The following INSYN1 variants were observed in gnomAD, a reference collection of about 807,000 sequenced individuals.
The protein encoded by INSYN1 is UPF0583 protein C15orf59.
Under a neutral mutation model 17.1 loss-of-function variants are expected in INSYN1, and 7 were observed. The ratio of observed to expected loss-of-function variants is 0.41; its 90% CI spans 0.23 to 0.77. The LOEUF (loss-of-function observed/expected upper bound fraction) is 0.77, where lower values mean the gene tolerates loss of function less well. Ranked by LOEUF, INSYN1 falls within the 30% of genes least tolerant of loss-of-function variation. INSYN1 has a pLI of 0.32. For synonymous variants in INSYN1, 174 were observed against 166.3 expected, an observed-to-expected ratio of 1.05 and a Z score of -0.36; for missense variants, 339 against 400.6, an observed-to-expected ratio of 0.85 and a Z score of 1.31.
chr15:73,745,906 G>A (rs1235474485), intron 2 of INSYN1, among the ~76,000 whole-genome samples: 2 of 152,130 alleles, frequency 1.3e-5, no homozygotes, highest in African/African-American at 2.4e-5. Flanking sequence ...ATTGCCAGAC[G>A]CCAACCCTCT....
chr15:73,739,965 C>A lies in INSYN1; in HGVS notation c.834G>T (p.Thr278=). 6.2e-7 allele frequency: 1 copy of A among 1,612,804 alleles called. No individual in the cohort carries two copies. Among genetic ancestry groups the A allele is most frequent in the Non-Finnish European group, 8.5e-7 (1 of 1,179,682 alleles). ...GTCTAGTGGCTGTGTAGGGCAGAACCGTCTGCGTGCTCTTGTCTGACACTG... is the reference window on the plus strand; with the variant it reads ...GTCTAGTGGCTGTGTAGGGCAGAACAGTCTGCGTGCTCTTGTCTGACACTG... The part of the protein sequence containing the change: ...TQTVSDKSTQ[T]VLPYTATRQK... Residue 278 remains threonine (T), a synonymous_variant, in exon 3 of 3, where the codon ACG becomes ACT. Transcript: ENST00000569673.
intron 2 of INSYN1, among the ~76,000 whole-genome samples, chr15:73,748,449 C>T (rs1240293475): frequency 6.6e-6 from 1 of 152,198 alleles, no homozygotes. Context: ...TGGCCTGAGA[C>T]AAGAACACAG....
At position 73,743,828 on chromosome 15, in the gene INSYN1, CAAAAAAAAAAAAA is replaced by C. The variant is rs71434209; in HGVS notation, c.157-3199_157-3187del. On this transcript the variant is annotated intron_variant, in intron 2 of 2. Coordinates refer to ENST00000569673, the MANE Select transcript of INSYN1 (RefSeq NM_001039614.3). ...CTGGCAACAGAGAGAGACTCTGTCT[CAAAAAAAAAAAAA>C]AAAAAAAAAAAAAAAAAGAAAGAAA... 2.4e-3 allele frequency among the ~76,000 whole-genome samples: 52 copies of C among 21,294 alleles called. 1 individual carries two copies. The highest frequency in any genetic ancestry group is 0.02 in the South Asian group (6 of 294). The allele number at this position is 21,294 out of a possible 152,430, so 14.0% of individuals were successfully genotyped here.
At chr15:73,740,926 C>T (rs1286466426) in intron 2 of INSYN1, among the ~76,000 whole-genome samples, 1 of 152,230 alleles carries the variant, frequency 6.6e-6, no homozygotes, top group African/African-American at 2.4e-5. Context: ...CAGCCCTGCA[C>T]ACCATCCATT....
In INSYN1 at chr15:73,740,691, C is replaced by G. The variant is rs756415607; in HGVS notation, c.157-49G>C. 14 of 1,474,736 alleles carry G rather than the reference C, an allele frequency of 9.5e-6. No individual in the cohort carries two copies. In the East Asian group the frequency reaches 3.2e-4, roughly 33 times the overall value. The allele number at this position is 1,474,736 out of a possible 1,614,324, so 91.4% of individuals were successfully genotyped here. A position where few individuals can be genotyped will look rare whatever the true frequency, so the allele number is the denominator to read the frequency against. On this transcript the variant is annotated intron_variant, in intron 2 of 2. Transcript: ENST00000569673. ...ATGAGAGGGGCCAGGTGGGTCCCTG[C>G]ATCAGCCAGGTGTGAGTGTGTCTCC...
rs116748828 is a variant in INSYN1, at chr15:73,749,152, C to T, written c.156+1823G>A. Among the ~76,000 whole-genome samples, 756 of 152,270 alleles carry T rather than the reference C, an allele frequency of 5.0e-3. 4 individuals carry two copies. The highest frequency in any genetic ancestry group is 0.017 in the African/African-American group (722 of 41,554). On this transcript the variant is annotated intron_variant, in intron 2 of 2. Transcript: ENST00000569673. The stretch of plus-strand genomic sequence containing the variant: ...CTAGAGCTATTGCATCACAGATGAG[C>T]ATAAGAGATCATCTCTGGAAGGCCC...
intron 2 of INSYN1, among the ~76,000 whole-genome samples, chr15:73,747,819 G>T (rs1053829578): frequency 6.6e-6 from 1 of 152,110 alleles, no homozygotes; most frequent in African/African-American, 2.4e-5. Flanking sequence ...GGAGTACTGG[G>T]GAGCCTGGGA....
chr15:73,749,343 A>G (rs1901917357), intron 2 of INSYN1, among the ~76,000 whole-genome samples: 1 of 152,122 alleles, frequency 6.6e-6, no homozygotes, highest in South Asian at 2.1e-4. Flanking sequence ...AAATGGACAG[A>G]GCTGGTCTGG....
intron 2 of INSYN1, among the ~76,000 whole-genome samples, chr15:73,745,214 C>G (rs897093346): frequency 6.6e-6 from 1 of 152,112 alleles, no homozygotes; most frequent in African/African-American, 2.4e-5. Context: ...CTTCCATACT[C>G]CCCAAACTCC....
At chr15:73,750,871 G>T in intron 2 of INSYN1, 104 bp downstream of exon 2, 1 of 1,226,004 alleles carries the variant, frequency 8.2e-7, no homozygotes, top group Non-Finnish European at 1.2e-6. Flanking sequence ...TGACACATGT[G>T]CACGCAGCTT....
In INSYN1 at chr15:73,751,362, C is replaced by A; in HGVS notation, c.-232G>T. ...GGAGACAGAGTCTAGCAGAGGGGGT[C>A]AAGGTGAGGACACAGGAGAGGAGGG... On this transcript the variant is annotated 5_prime_UTR_variant, in exon 2 of 3. Transcript: ENST00000569673. 3.6e-6 allele frequency: 2 copies of A among 556,094 alleles called. No individual in the cohort carries two copies. Among genetic ancestry groups the A allele is most frequent in the Admixed American group, 6.2e-5 (2 of 32,380 alleles). 34.4% of individuals were successfully genotyped at this position (556,094 alleles called of 1,614,324 possible).
intron 2 of INSYN1, among the ~76,000 whole-genome samples, chr15:73,744,382 C>T (rs1208247655): frequency 6.6e-6 from 1 of 152,186 alleles, no homozygotes; most frequent in Non-Finnish European, 1.5e-5. Flanking sequence ...TTCTAAAAAC[C>T]AACTGGCTAT....
In INSYN1 at chr15:73,752,960, G is replaced by A. The variant is rs549580113; in HGVS notation, c.-1418C>T. Among the ~76,000 whole-genome samples, 15 of 150,550 alleles carry A rather than the reference G, an allele frequency of 1.0e-4. No individual in the cohort carries two copies. In the South Asian group the frequency reaches 2.5e-3, roughly 25 times the overall value. ...GAGGCGAGGGGAGGAGGCGCGGCGAGGGGAAGGGAGGGGAGGGGGCGAGCG... is the reference window on the plus strand; with the variant it reads ...GAGGCGAGGGGAGGAGGCGCGGCGAAGGGAAGGGAGGGGAGGGGGCGAGCG... On this transcript the variant is annotated 5_prime_UTR_variant, in exon 1 of 3. Transcript: ENST00000569673. This position sits in a 1 kb window ranked among gnomAD's most constrained non-coding sequence, Gnocchi z 5.2.
In INSYN1 at chr15:73,740,098, G is replaced by A; in HGVS notation, c.701C>T (p.Ser234Phe). Residue 234 changes from serine to phenylalanine, a missense_variant, in exon 3 of 3, where the codon TCC becomes TTC. Coordinates refer to ENST00000569673, the MANE Select transcript of INSYN1 (RefSeq NM_001039614.3). The stretch of plus-strand genomic sequence containing the variant: ...GCGCCGTGACTTGTAGGGGGCTGGG[G>A]AGGGCTTGTGGGGGCCTGCATGGGC... ...TEAHAGPHKP[S>F]PAPYKSRRSP... 6.2e-7 allele frequency: 1 copy of A among 1,613,862 alleles called. No individual in the cohort carries two copies. The highest frequency in any genetic ancestry group is 1.3e-5 in the African/African-American group (1 of 75,014).
intron 2 of INSYN1, among the ~76,000 whole-genome samples, chr15:73,742,460 C>T (rs957110192): frequency 6.6e-6 from 1 of 152,100 alleles, no homozygotes; most frequent in Non-Finnish European, 1.5e-5. Context: ...CACCACCTCC[C>T]ATCTCTGAGC....
At chr15:73,744,222 C>T (rs745458482) in intron 2 of INSYN1, among the ~76,000 whole-genome samples, 44 of 152,330 alleles carry the variant, frequency 2.9e-4, no homozygotes, top group Non-Finnish European at 4.0e-4. Context: ...AGGAATGACC[C>T]TCTGATGTGG....
chr15:73,748,687 T>G (rs1038251150), intron 2 of INSYN1, among the ~76,000 whole-genome samples: 3 of 152,210 alleles, frequency 2.0e-5, no homozygotes, highest in Non-Finnish European at 4.4e-5. Flanking sequence ...AACCGGGGTC[T>G]GGCACCCCCC....
At chr15:73,750,784 C>A (rs1901955587) in intron 2 of INSYN1, among the ~76,000 whole-genome samples, 191 bp downstream of exon 2, 1 of 152,164 alleles carries the variant, frequency 6.6e-6, no homozygotes, top group African/African-American at 2.4e-5. Context: ...GCCCCTCCAG[C>A]CTTGGGGTCT....
chr15:73,743,527 T>C (rs1901740232), intron 2 of INSYN1, among the ~76,000 whole-genome samples: 1 of 152,006 alleles, frequency 6.6e-6, no homozygotes, highest in Non-Finnish European at 1.5e-5. Context: ...GATGAAAATT[T>C]AACAGATATG....
Sources: gnomAD v4.1 joint callset for allele counts (sites outside exome capture counted in the v4.1 genomes callset) on GRCh38, gnomAD v4.1.1 for gene constraint, Gnocchi (gnomAD v3.1) non-coding constraint, MANE v1.5 for transcripts, NCBI Gene and HGNC (gene_info 2026-07-23, HGNC 2026-07-21) for gene names.